The following THNSL1 variants were observed in gnomAD, a reference collection of about 807,000 sequenced individuals.
The protein encoded by THNSL1 is threonine synthase-like 1.
Under a neutral mutation model 50.4 loss-of-function variants are expected in THNSL1, and 48 were observed. The ratio of observed to expected loss-of-function variants is 0.95; its 90% CI spans 0.76 to 1.21. THNSL1 has a LOEUF of 1.21. THNSL1 is among the 50% of genes most tolerant of loss of function. THNSL1 has a pLI of 0.00. For missense variants in THNSL1, 896 were observed against 871.7 expected (o/e 1.03, Z -0.35); for synonymous variants, 309 against 306.1 (o/e 1.01, Z -0.10).
At chr10:24,986,962 T>A in the THNSL1 span, among the ~76,000 whole-genome samples, 1 of 152,202 alleles carries the variant, frequency 6.6e-6, no homozygotes, top group African/African-American at 2.4e-5. Context: ...GGAGAAGTGA[T>A]CTTATAATAA....
Position 25,025,005 on chromosome 10 carries a change from A to G in THNSL1, c.1782A>G (p.Leu594=). The change falls in exon 3 of 3, where the codon TTA becomes TTG. Residue 594 remains leucine (L), a synonymous_variant. Coordinates refer to ENST00000376356, the MANE Select transcript of THNSL1 (RefSeq NM_024838.5). ...GQLMTELFNR[L]ESQHHFQIEK... ...TAATGACAGAATTATTTAATCGATT[A>G]GAAAGTCAGCATCATTTCCAGATAG... 6.2e-7 allele frequency: 1 copy of G among 1,614,252 alleles called. No homozygotes were observed. Among genetic ancestry groups the G allele is most frequent in the South Asian group, 1.1e-5 (1 of 91,092 alleles).
intron 1 of THNSL1, among the ~76,000 whole-genome samples, chr10:25,019,415 A>G (rs1046351094): frequency 3.9e-5 from 6 of 152,212 alleles, no homozygotes; most frequent in African/African-American, 1.4e-4. Context: ...TCAAGGCTGT[A>G]GTGAGCCAAG....
At chr10:24,969,776 G>A in the THNSL1 span, among the ~76,000 whole-genome samples, 1 of 152,198 alleles carries the variant, frequency 6.6e-6, no homozygotes, top group African/African-American at 2.4e-5. Context: ...CCCTAAGGAA[G>A]TCTAAAACTT....
At chr10:25,016,209 C>T (rs1361330182), upstream of THNSL1, 23 of 1,162,022 alleles carry the variant, frequency 2.0e-5, no homozygotes, top group Middle Eastern at 3.5e-4. Flanking sequence ...GCAGGCAGCA[C>T]CGCAAACTAG....
chr10:24,984,252 T>G, the THNSL1 span: 2 of 1,157,988 alleles, frequency 1.7e-6, no homozygotes, highest in African/African-American at 3.1e-5. Context: ...AAAATACATC[T>G]TTTGCATTTG....
At chr10:25,007,395 G>A in the THNSL1 span, among the ~76,000 whole-genome samples, 117 of 152,016 alleles carry the variant, frequency 7.7e-4, no homozygotes, top group Non-Finnish European at 9.0e-4. Flanking sequence ...CTTTTACCAC[G>A]TTATATTATG....
the THNSL1 span, chr10:24,984,059 G>C: frequency 6.5e-6 from 2 of 306,814 alleles, no homozygotes; most frequent in Non-Finnish European, 1.2e-5. Context: ...AGGTTGGTAT[G>C]CTAGAAAGGA....
chr10:24,972,522 A>AAAAAAAAAAT, the THNSL1 span, among the ~76,000 whole-genome samples: 276 of 150,102 alleles, frequency 1.8e-3, no homozygotes, highest in African/African-American at 5.7e-3. Flanking sequence ...AAAAAAAAAT[A>AAAAAAAAAAT]AATAATAATA....
At chr10:25,015,210 T>C (rs1287393760), upstream of THNSL1, among the ~76,000 whole-genome samples, 2 of 152,218 alleles carry the variant, frequency 1.3e-5, no homozygotes, top group African/African-American at 4.8e-5. Context: ...ATTTGGAGAA[T>C]TTAAGAGGTT....
the THNSL1 span, chr10:24,984,524 T>A: frequency 8.4e-7 from 1 of 1,193,194 alleles, no homozygotes; most frequent in Non-Finnish European, 1.1e-6. Flanking sequence ...TAATAGTTTA[T>A]ATGTGGAAAA....
intron 1 of THNSL1, among the ~76,000 whole-genome samples, chr10:25,020,682 A>C (rs1360841745): frequency 1.3e-5 from 2 of 151,878 alleles, no homozygotes; most frequent in Non-Finnish European, 2.9e-5. Flanking sequence ...TTGAGGCTGC[A>C]GTGAGCTGAG....
At chr10:24,998,661 C>T in the THNSL1 span, among the ~76,000 whole-genome samples, 1 of 152,116 alleles carries the variant, frequency 6.6e-6, no homozygotes, top group African/African-American at 2.4e-5. Context: ...GAAATTGCTT[C>T]CATACATACC....
chr10:24,964,731 C>G, the THNSL1 span, among the ~76,000 whole-genome samples: 1 of 152,228 alleles, frequency 6.6e-6, no homozygotes, highest in Non-Finnish European at 1.5e-5. Context: ...ACAGCAGGAT[C>G]CAGAAGTGAG....
At chr10:25,015,809 T>C, upstream of THNSL1, 1 of 1,505,274 alleles carries the variant, frequency 6.6e-7, no homozygotes, top group Non-Finnish European at 8.9e-7. Context: ...TAATTAATAC[T>C]GAGTATTCCC....
At chr10:24,990,040 G>GA in the THNSL1 span, among the ~76,000 whole-genome samples, 13 of 152,004 alleles carry the variant, frequency 8.6e-5, no homozygotes, top group Admixed American at 6.5e-5. Flanking sequence ...TATAGGAAAG[G>GA]AAAAAAAGTT....
chr10:24,969,403 T>C, the THNSL1 span, among the ~76,000 whole-genome samples: 1 of 152,210 alleles, frequency 6.6e-6, no homozygotes, highest in Non-Finnish European at 1.5e-5. Flanking sequence ...GGTCTGTTTT[T>C]ATAAGTGAGC....
the THNSL1 span, among the ~76,000 whole-genome samples, chr10:24,956,549 T>C: frequency 6.6e-6 from 1 of 151,964 alleles, no homozygotes; most frequent in South Asian, 2.1e-4. Context: ...GTTATACATA[T>C]TATCTATGGG....
chr10:25,007,548 C>A, the THNSL1 span, among the ~76,000 whole-genome samples: 1 of 152,200 alleles, frequency 6.6e-6, no homozygotes, highest in Admixed American at 6.5e-5. Context: ...CATTCTCCTG[C>A]CTCAGCCTCC....
the THNSL1 span, among the ~76,000 whole-genome samples, chr10:24,954,063 G>A: frequency 6.6e-6 from 1 of 152,136 alleles, no homozygotes. Context: ...TTTGTAGTCT[G>A]CATCTCACTT....
Sources: gnomAD v4.1 joint callset for allele counts (sites outside exome capture counted in the v4.1 genomes callset) on GRCh38, gnomAD v4.1.1 for gene constraint, MANE v1.5 for transcripts, NCBI Gene and HGNC (gene_info 2026-07-23, HGNC 2026-07-21) for gene names.